Variants in RAD18 observed in about 807,000 individuals in gnomAD.
The protein encoded by RAD18 is RAD18 E3 ubiquitin protein ligase.
A neutral mutation model predicts 60.4 loss-of-function variants in RAD18; 47 were observed. That is an observed-to-expected ratio of 0.78 (90% CI 0.62 to 0.99). The LOEUF is 0.99. Ranked by LOEUF, RAD18 falls within the 50% of genes least tolerant of loss-of-function variation. The pLI, the probability that RAD18 is intolerant of heterozygous loss-of-function variation, is 0.00. For synonymous variants in RAD18, 225 were observed against 195.5 expected, an observed-to-expected ratio of 1.15 and a Z score of -1.26; for missense variants, 640 against 593.3, an observed-to-expected ratio of 1.08 and a Z score of -0.82.
intron 12 of RAD18, among the ~76,000 whole-genome samples, chr3:8,882,610 A>G (rs943699875): frequency 6.6e-6 from 1 of 152,208 alleles, no homozygotes; most frequent in Non-Finnish European, 1.5e-5. Flanking sequence ...GAAATGGCTG[A>G]GGGAGAGACA....
At chr3:8,921,142 GAA>G (rs1480665367) in intron 7 of RAD18, among the ~76,000 whole-genome samples, 4 of 152,158 alleles carry the variant, frequency 2.6e-5, no homozygotes, top group Non-Finnish European at 5.9e-5. Flanking sequence ...GAAAAAGAGA[GAA>G]AGAGGAACAG....
intron 9 of RAD18, among the ~76,000 whole-genome samples, chr3:8,910,718 C>T (rs1940092698): frequency 6.6e-6 from 1 of 152,014 alleles, no homozygotes; most frequent in South Asian, 2.1e-4. Flanking sequence ...CTTACAAAAA[C>T]TTATGACATA....
Position 8,881,328 on chromosome 3 carries a change from T to C in RAD18, c.*29A>G. On this transcript the variant is annotated 3_prime_UTR_variant, in exon 13 of 13. Coordinates refer to ENST00000264926, the MANE Select transcript of RAD18 (RefSeq NM_020165.4). Reference sequence around the variant, plus strand: ...ACCAAAAGTACGGTATTCTAATCAATGCATTTGAAAAGTCAGCAAAAGCCC... The same window carrying C: ...ACCAAAAGTACGGTATTCTAATCAACGCATTTGAAAAGTCAGCAAAAGCCC... The C allele has an allele frequency of 1.3e-6, 2 of 1,519,818 alleles. No individual in the cohort carries two copies. The highest frequency in any genetic ancestry group is 1.8e-6 in the Non-Finnish European group (2 of 1,098,666). The allele number at this position is 1,519,818 out of a possible 1,614,324, so 94.1% of individuals were successfully genotyped here. A position where few individuals can be genotyped will look rare whatever the true frequency, so the allele number is the denominator to read the frequency against.
chr3:8,879,493 A>AATACAC lies in RAD18; in HGVS notation c.*1863_*1864insGTGTAT, dbSNP rs1939420636. ...CTGATCTTGGACTTCCAGCCTCCAG[A>AATACAC]ATTCTGAGAATACACATTTCTGTTG... On this transcript the variant is annotated 3_prime_UTR_variant, in exon 13 of 13. Coordinates refer to ENST00000264926, the MANE Select transcript of RAD18 (RefSeq NM_020165.4). The AATACAC allele has an allele frequency of 6.6e-6, 1 of 152,262 alleles. No individual in the cohort carries two copies. Among genetic ancestry groups the AATACAC allele is most frequent in the Non-Finnish European group, 1.5e-5 (1 of 68,088 alleles). 9.4% of individuals were successfully genotyped at this position (152,262 alleles called of 1,614,324 possible).
Position 8,880,872 on chromosome 3 carries a change from C to T in RAD18, c.*485G>A. On this transcript the variant is annotated 3_prime_UTR_variant, in exon 13 of 13. Coordinates refer to ENST00000264926, the MANE Select transcript of RAD18 (RefSeq NM_020165.4). ...GTAACACAGGCATGGTGGTGGCGTG[C>T]ATCGGTACTTACACACACCAAGGAT... The T allele has an allele frequency of 6.5e-6, 1 of 153,656 alleles. No individual in the cohort carries two copies. Among genetic ancestry groups the T allele is most frequent in the Admixed American group, 6.5e-5 (1 of 15,464 alleles). The allele number at this position is 153,656 out of a possible 1,614,324, so 9.5% of individuals were successfully genotyped here.
intron 7 of RAD18, among the ~76,000 whole-genome samples, chr3:8,923,102 G>C (rs1940359040): frequency 6.6e-6 from 1 of 152,106 alleles, no homozygotes; most frequent in African/African-American, 2.4e-5. Context: ...CGCTTCAGAT[G>C]ATCAAACTTC....
At chr3:8,926,714 T>C (rs1940444040) in intron 7 of RAD18, among the ~76,000 whole-genome samples, 2 of 152,042 alleles carry the variant, frequency 1.3e-5, no homozygotes, top group South Asian at 4.1e-4. Flanking sequence ...AACAGAGATA[T>C]AGACCAATGG....
rs373157801 is a variant in RAD18 at position 8,915,147 on chromosome 3, CAAAAAAAA to C, written c.890-1435_890-1428del. 3.0e-5 allele frequency among the ~76,000 whole-genome samples: 3 copies of C among 101,458 alleles called. No homozygotes were observed. The South Asian group carries it at 1.1e-3, about 37-fold the overall frequency. The allele number at this position is 101,458 out of a possible 152,430, so 66.6% of individuals were successfully genotyped here. On this transcript the variant is annotated intron_variant, in intron 7 of 12. Coordinates refer to ENST00000264926, the MANE Select transcript of RAD18 (RefSeq NM_020165.4). ...CCAGCGACAAAGCGAGACTCCGTCT[CAAAAAAAA>C]AAAAAAAAAGAAAACTATATTAGGA...
rs1435154609 is a variant in RAD18 at position 8,881,479 on chromosome 3, A to G, written c.1386-20T>C. 6.5e-7 allele frequency: 1 copy of G among 1,546,634 alleles called. No homozygotes were observed. Among genetic ancestry groups the G allele is most frequent in the African/African-American group, 1.4e-5 (1 of 73,420 alleles). ...TCGTTTCTGAAGACAGAAAAAGGAA[A>G]TGACATCTTGGAAAGTAATGATTAT... is the stretch of plus-strand genomic sequence containing the variant. On this transcript the variant is annotated intron_variant, in intron 12 of 12. Transcript: ENST00000264926.
At chr3:8,912,825 A>G (rs1348206719) in intron 8 of RAD18, among the ~76,000 whole-genome samples, 1 of 152,180 alleles carries the variant, frequency 6.6e-6, no homozygotes. Context: ...AAAACACAGT[A>G]AGTTAAGCCT....
chr3:8,931,098 ACTTGATTGTGTATATAAAAATC>A (rs757961629), intron 7 of RAD18, among the ~76,000 whole-genome samples: 13 of 152,156 alleles, frequency 8.5e-5, no homozygotes, highest in Non-Finnish European at 1.0e-4. Context: ...TTGGCATGTA[ACTTGATTGTGTATATAAAAATC>A]CTATGAAATC....
chr3:8,902,158 C>T (rs1016702357), intron 10 of RAD18, among the ~76,000 whole-genome samples: 2 of 152,140 alleles, frequency 1.3e-5, no homozygotes, highest in African/African-American at 4.8e-5. Flanking sequence ...ACTGAAAGGA[C>T]GATAGACAAA....
Position 8,963,343 on chromosome 3 carries a change from C to T in RAD18, c.43G>A (p.Val15Ile). The change falls in exon 1 of 13, where the codon GTC becomes ATC. Residue 15 changes from valine (V) to isoleucine (I), a missense_variant. By Grantham distance (29) the Val-to-Ile change is conservative. Coordinates refer to ENST00000264926, the MANE Select transcript of RAD18 (RefSeq NM_020165.4). ...CTCCCCGAAGCACTCACCTTCATGA[C>T]TGCCAGGCCCGGAGGCCACCGAGAC... is the stretch of plus-strand genomic sequence containing the variant. ...AESRWPPGLA[V>I]MKTIDDLLRC... 1.2e-6 allele frequency: 2 copies of T among 1,611,064 alleles called. No individual in the cohort carries two copies. The highest frequency in any genetic ancestry group is 1.7e-6 in the Non-Finnish European group (2 of 1,178,684).
At chr3:8,912,239 T>C (rs992632029) in intron 9 of RAD18, 73 bp downstream of exon 9, 20 of 1,157,682 alleles carry the variant, frequency 1.7e-5, no homozygotes, top group Non-Finnish European at 2.4e-5. Flanking sequence ...TAAAACATTA[T>C]TCTGAAAAAT....
At chr3:8,890,878 C>G (rs1939673308) in intron 11 of RAD18, among the ~76,000 whole-genome samples, 2 of 152,096 alleles carry the variant, frequency 1.3e-5, no homozygotes, top group Admixed American at 1.3e-4. Flanking sequence ...CTTCTCTCTA[C>G]TCCAGTGTCA....
At chr3:8,956,074 TTCTC>T (rs1378028552) in intron 2 of RAD18, among the ~76,000 whole-genome samples, 1 of 152,230 alleles carries the variant, frequency 6.6e-6, no homozygotes, top group Admixed American at 6.5e-5. Context: ...AATGTGGTCT[TTCTC>T]TCAAAATATC....
intron 2 of RAD18, among the ~76,000 whole-genome samples, chr3:8,954,118 G>GAAA (rs1409547056): frequency 2.0e-5 from 3 of 152,198 alleles, no homozygotes; most frequent in Non-Finnish European, 4.4e-5. Context: ...ATTCTGAAAT[G>GAAA]CTAGTCTTTA....
chr3:8,958,615 T>C (rs570552989), intron 2 of RAD18, among the ~76,000 whole-genome samples: 7 of 152,188 alleles, frequency 4.6e-5, no homozygotes, highest in Non-Finnish European at 1.0e-4. Context: ...AAACAAAAAT[T>C]CTGAAACTTA....
intron 7 of RAD18, among the ~76,000 whole-genome samples, chr3:8,920,059 G>A (rs1940287549): frequency 6.6e-6 from 1 of 152,194 alleles, no homozygotes; most frequent in African/African-American, 2.4e-5. Context: ...AAGGCAGACA[G>A]ATCACGAGGT....
Sources: allele counts gnomAD v4.1 joint callset (sites outside exome capture counted in the v4.1 genomes callset), GRCh38; gene constraint gnomAD v4.1.1; transcripts MANE v1.5; gene names NCBI Gene and HGNC (gene_info 2026-07-23, HGNC 2026-07-21).